The following GALNT17 variants were observed in gnomAD, a reference collection of about 807,000 sequenced individuals.
GALNT17 encodes UDP-GalNAc:polypeptide N-acetylgalactosaminyltransferase-like 3.
Under a neutral mutation model 63.7 loss-of-function variants are expected in GALNT17, and 29 were observed. That is an observed-to-expected ratio of 0.46 (90% CI 0.34 to 0.62). The LOEUF is 0.62. Ranked by LOEUF, GALNT17 falls within the 20% of genes least tolerant of loss-of-function variation. The probability of loss-of-function intolerance (pLI) is 0.01; values close to 1 mark genes in which losing one functional copy is unlikely to be tolerated. For synonymous variants in GALNT17, 305 were observed against 318.3 expected (o/e 0.96, Z 0.45); for missense variants, 603 against 799.6 (o/e 0.75, Z 2.97).
At chr7:71,141,709 C>T (rs923238584) in intron 1 of GALNT17, among the ~76,000 whole-genome samples, 1 of 148,812 alleles carries the variant, frequency 6.7e-6, no homozygotes, top group Admixed American at 6.8e-5. Context: ...CAGAGTCTCG[C>T]TCTGTTACCC....
At chr7:71,556,426 A>G (rs1052727833) in intron 5 of GALNT17, among the ~76,000 whole-genome samples, 3 of 152,190 alleles carry the variant, frequency 2.0e-5, no homozygotes, top group African/African-American at 7.2e-5. Flanking sequence ...GACACTGCAG[A>G]TCCAGCCAAC....
At chr7:71,161,517 T>G (rs1788341631) in intron 1 of GALNT17, among the ~76,000 whole-genome samples, 1 of 152,184 alleles carries the variant, frequency 6.6e-6, no homozygotes, top group Non-Finnish European at 1.5e-5. Context: ...TACCTTTCAG[T>G]GTTGATCAAT....
intron 5 of GALNT17, among the ~76,000 whole-genome samples, chr7:71,511,911 A>G (rs1031320360): frequency 6.6e-6 from 1 of 152,026 alleles, no homozygotes; most frequent in Non-Finnish European, 1.5e-5. Context: ...CAGTACTCTT[A>G]GGACACATGT....
chr7:71,654,372 T>C (rs1224312172), intron 6 of GALNT17, among the ~76,000 whole-genome samples: 2 of 152,102 alleles, frequency 1.3e-5, no homozygotes, highest in East Asian at 3.9e-4. Flanking sequence ...TGTGTAGAGG[T>C]TGGACTCAAG....
chr7:71,219,592 G>C (rs1789546953), intron 1 of GALNT17, among the ~76,000 whole-genome samples: 1 of 151,984 alleles, frequency 6.6e-6, no homozygotes, highest in African/African-American at 2.4e-5. Flanking sequence ...TAATTTCCAA[G>C]AGCCTTTCTT....
In GALNT17 at chr7:71,377,085, C is replaced by CAA. The variant is rs34111153; in HGVS notation, c.423-11136_423-11135dup. Among the ~76,000 whole-genome samples the CAA allele has an allele frequency of 5.2e-3, 97 of 18,520 alleles. 14 individuals are homozygous for CAA. Among genetic ancestry groups the CAA allele is most frequent in the African/African-American group, 0.016 (57 of 3,604 alleles). 12.1% of individuals were successfully genotyped at this position (18,520 alleles called of 152,430 possible). A position where few individuals can be genotyped will look rare whatever the true frequency, so the allele number is the denominator to read the frequency against. On this transcript the variant is annotated intron_variant, in intron 2 of 10. Coordinates refer to ENST00000333538, the MANE Select transcript of GALNT17 (RefSeq NM_022479.3). ...CGGGCAACAGAGCGATATTCCATCT[C>CAA]AAAAAAAAAAAAAAATAAAAATAAA...
At chr7:71,639,855 A>G (rs937027624) in intron 6 of GALNT17, among the ~76,000 whole-genome samples, 51 of 152,274 alleles carry the variant, frequency 3.3e-4, no homozygotes, top group African/African-American at 1.2e-3. Context: ...GAGGGGGGTG[A>G]GCTCTGACAA....
In GALNT17 at chr7:71,396,836, T is replaced by C. The variant is rs951545674; in HGVS notation, c.589+8435T>C. Among the ~76,000 whole-genome samples the C allele has an allele frequency of 1.4e-4, 22 of 152,274 alleles. No homozygotes were observed. In the South Asian group the frequency reaches 2.3e-3, roughly 16 times the overall value. ...GTATACACATTTTACACTGCCTTGG[T>C]TAAATTTATTTCTTAATGTTTTATT... On this transcript the variant is annotated intron_variant, in intron 3 of 10. Coordinates refer to ENST00000333538, the MANE Select transcript of GALNT17 (RefSeq NM_022479.3).
intron 6 of GALNT17, among the ~76,000 whole-genome samples, chr7:71,660,619 C>T (rs1790894133): frequency 6.6e-6 from 1 of 152,188 alleles, no homozygotes; most frequent in Admixed American, 6.5e-5. Flanking sequence ...TAAACTGGAT[C>T]GTTCCCTTTA....
intron 6 of GALNT17, among the ~76,000 whole-genome samples, chr7:71,574,607 A>G (rs1276915244): frequency 6.6e-6 from 1 of 151,558 alleles, no homozygotes; most frequent in Non-Finnish European, 1.5e-5. Context: ...CAGAAAGGCA[A>G]AGGTCTGGGT....
In GALNT17 at chr7:71,217,151, T is replaced by TTG. The variant is rs1281915542; in HGVS notation, c.238+84112_238+84113insGT. Among the ~76,000 whole-genome samples the TTG allele has an allele frequency of 3.3e-5, 5 of 149,382 alleles. No homozygotes were observed. The East Asian group carries it at 7.8e-4, about 23-fold the overall frequency. ...GCTAATTTTTTCGTGTTTTGTTTTT[T>TTG]TTTTTTTTTTTTTTGAGATAGAGTT... On this transcript the variant is annotated intron_variant, in intron 1 of 10. Transcript: ENST00000333538.
intron 5 of GALNT17, among the ~76,000 whole-genome samples, chr7:71,524,293 T>C (rs568849025): frequency 6.8e-6 from 1 of 147,918 alleles, no homozygotes; most frequent in East Asian, 1.9e-4. Context: ...TATTAGTATA[T>C]TGATATTAAC....
chr7:71,592,549 C>CAAATAAAATAAAATAAA (rs1562703277), intron 6 of GALNT17, among the ~76,000 whole-genome samples: 2 of 41,016 alleles, frequency 4.9e-5, no homozygotes, highest in Admixed American at 2.9e-4. Context: ...AATAAAATAG[C>CAAATAAAATAAAATAAA]ATAGCATAGC....
intron 1 of GALNT17, among the ~76,000 whole-genome samples, chr7:71,219,455 G>A (rs1014592263): frequency 4.6e-5 from 7 of 152,066 alleles, no homozygotes; most frequent in African/African-American, 1.2e-4. Context: ...TGTGTCAGGT[G>A]CTAGATCTCA....
chr7:71,675,064 A>C (rs1791128901), intron 8 of GALNT17, among the ~76,000 whole-genome samples: 1 of 152,248 alleles, frequency 6.6e-6, no homozygotes, highest in Middle Eastern at 3.4e-3. Flanking sequence ...CGTGCCTGTA[A>C]TCCCAGCTAC....
intron 1 of GALNT17, among the ~76,000 whole-genome samples, chr7:71,283,161 GT>G (rs1790808250): frequency 6.6e-6 from 1 of 151,546 alleles, no homozygotes; most frequent in East Asian, 1.9e-4. Context: ...CCCCCCCCAA[GT>G]AGCTGGGACT....
At chr7:71,355,680 C>T (rs1040673578) in intron 2 of GALNT17, among the ~76,000 whole-genome samples, 4 of 151,838 alleles carry the variant, frequency 2.6e-5, no homozygotes, top group Non-Finnish European at 5.9e-5. Context: ...TCACAGGCGT[C>T]TAACACTATG....
At chr7:71,167,834 C>T (rs548463832) in intron 1 of GALNT17, among the ~76,000 whole-genome samples, 38 of 152,212 alleles carry the variant, frequency 2.5e-4, no homozygotes, top group African/African-American at 7.9e-4. Context: ...GGATTACAGG[C>T]GTGCGCCACG....
At chr7:71,179,949 A>G (rs1788706154) in intron 1 of GALNT17, among the ~76,000 whole-genome samples, 1 of 152,198 alleles carries the variant, frequency 6.6e-6, no homozygotes, top group South Asian at 2.1e-4. Context: ...GGTATATACA[A>G]GCTACTCTGA....
Sources: allele counts gnomAD v4.1 joint callset (sites outside exome capture counted in the v4.1 genomes callset), GRCh38; gene constraint gnomAD v4.1.1; transcripts MANE v1.5; gene names NCBI Gene and HGNC (gene_info 2026-07-23, HGNC 2026-07-21).